The following CCDC192 variants were observed in gnomAD, a reference collection of about 807,000 sequenced individuals.
CCDC192 encodes coiled-coil domain containing 192.
intron 3 of CCDC192, among the ~76,000 whole-genome samples, chr5:127,767,223 T>C (rs1331153007): frequency 6.6e-5 from 10 of 152,058 alleles, no homozygotes; most frequent in African/African-American, 2.2e-4. Context: ...CCCTGTGAAA[T>C]GTCAGCTACC....
intron 2 of CCDC192, among the ~76,000 whole-genome samples, chr5:127,735,246 G>A (rs1339111391): frequency 1.6e-4 from 16 of 97,524 alleles, no homozygotes; most frequent in Middle Eastern, 4.6e-3. Context: ...GTAGATATGC[G>A]GCGTTATTTC....
At chr5:127,719,488 T>TAC (rs1751845435) in intron 2 of CCDC192, among the ~76,000 whole-genome samples, 1 of 136,436 alleles carries the variant, frequency 7.3e-6, no homozygotes, top group South Asian at 2.3e-4. Flanking sequence ...TATATATATA[T>TAC]ATATATACAC....
chr5:127,739,095 C>T (rs1753222893), intron 2 of CCDC192, among the ~76,000 whole-genome samples: 1 of 152,120 alleles, frequency 6.6e-6, no homozygotes, highest in African/African-American at 2.4e-5. Flanking sequence ...TGGTGATGTA[C>T]AGATGGGTTT....
chr5:127,844,896 G>A (rs1047641029), intron 5 of CCDC192, among the ~76,000 whole-genome samples: 1 of 152,168 alleles, frequency 6.6e-6, no homozygotes, highest in African/African-American at 2.4e-5. Context: ...GCCTCACAGG[G>A]CCTTGTGCCA....
intron 5 of CCDC192, among the ~76,000 whole-genome samples, chr5:127,844,003 C>T (rs557093968): frequency 6.6e-6 from 1 of 152,318 alleles, no homozygotes; most frequent in Non-Finnish European, 1.5e-5. Flanking sequence ...TATGGACCAG[C>T]TATTTTTATA....
chr5:127,702,317 T>A (rs1750740589), upstream of CCDC192, among the ~76,000 whole-genome samples: 2 of 150,578 alleles, frequency 1.3e-5, no homozygotes, highest in African/African-American at 5.0e-5. Flanking sequence ...TGATTTCTGA[T>A]CCCCAACAGG....
At chr5:127,885,585 A>C (rs554684351) in intron 6 of CCDC192, among the ~76,000 whole-genome samples, 1 of 152,292 alleles carries the variant, frequency 6.6e-6, no homozygotes, top group Non-Finnish European at 1.5e-5. Flanking sequence ...GTTTCCTTAT[A>C]GGAGGTTAAG....
chr5:127,779,761 G>A (rs1035765575), intron 3 of CCDC192, among the ~76,000 whole-genome samples: 1 of 151,806 alleles, frequency 6.6e-6, no homozygotes. Context: ...AGGTTATTGG[G>A]GGTACAGATG....
chr5:127,774,391 T>C (rs10037046), intron 3 of CCDC192, among the ~76,000 whole-genome samples: 48,667 of 152,046 alleles, frequency 0.32, 8,640 homozygotes, highest in Middle Eastern at 0.41. Flanking sequence ...TGTGCTTACA[T>C]ATTTAGGTCG....
intron 5 of CCDC192, among the ~76,000 whole-genome samples, chr5:127,825,023 A>C (rs921380132): frequency 6.6e-6 from 1 of 152,226 alleles, no homozygotes; most frequent in Non-Finnish European, 1.5e-5. Context: ...GGAATGCCAC[A>C]ATAGCGCTGT....
intron 6 of CCDC192, among the ~76,000 whole-genome samples, chr5:127,894,887 G>A (rs938986356): frequency 3.9e-5 from 6 of 152,174 alleles, no homozygotes; most frequent in Non-Finnish European, 7.3e-5. Flanking sequence ...CTTTGCAATA[G>A]TCTCAACCAT....
intron 5 of CCDC192, among the ~76,000 whole-genome samples, chr5:127,811,635 G>C (rs1360265594): frequency 1.3e-5 from 2 of 152,142 alleles, no homozygotes; most frequent in Non-Finnish European, 2.9e-5. Context: ...GTAAGCATTA[G>C]TTCTTAGCAC....
At chr5:127,859,955 G>A (rs1424172509) in intron 5 of CCDC192, among the ~76,000 whole-genome samples, 2 of 151,988 alleles carry the variant, frequency 1.3e-5, no homozygotes, top group Non-Finnish European at 2.9e-5. Context: ...CCTAGACAAT[G>A]CTATTTATCA....
intron 5 of CCDC192, 141 bp downstream of exon 5, chr5:127,798,303 G>A (rs141746299): frequency 1.1e-4 from 44 of 388,666 alleles, no homozygotes; most frequent in African/African-American, 4.3e-4. Flanking sequence ...TTTTTACTGC[G>A]TCTACACAGT....
chr5:127,807,775 A>T (rs1757875281), intron 5 of CCDC192, among the ~76,000 whole-genome samples: 1 of 152,154 alleles, frequency 6.6e-6, no homozygotes, highest in Non-Finnish European at 1.5e-5. Flanking sequence ...GCTTAGCTTT[A>T]AAAAGCTTAG....
At chr5:127,849,206 T>C (rs912363351) in intron 5 of CCDC192, among the ~76,000 whole-genome samples, 1 of 152,150 alleles carries the variant, frequency 6.6e-6, no homozygotes, top group Non-Finnish European at 1.5e-5. Context: ...CACTCCAGCC[T>C]AGGCGAAAGA....
At chr5:127,886,429 C>T (rs1286367882) in intron 6 of CCDC192, among the ~76,000 whole-genome samples, 1 of 152,096 alleles carries the variant, frequency 6.6e-6, no homozygotes, top group Non-Finnish European at 1.5e-5. Context: ...TGTGCTGGTC[C>T]ACTTATACCC....
Position 127,911,385 on chromosome 5 carries a change from A to G in CCDC192, c.536-29797A>G, listed in dbSNP as rs143278918. ...GCTGGGAGCTAAACCTGCTGTTGGT[A>G]TATAAGTCTCTGTAATCCTCATGGC... On this transcript the variant is annotated intron_variant, in intron 6 of 6. Transcript: ENST00000514853. Among the ~76,000 whole-genome samples, 32 of 152,324 alleles carry G rather than the reference A, an allele frequency of 2.1e-4. No individual in the cohort carries two copies. In the East Asian group the frequency reaches 6.2e-3, roughly 29 times the overall value.
At chr5:127,827,499 A>G (rs1749584803) in intron 5 of CCDC192, among the ~76,000 whole-genome samples, 1 of 152,160 alleles carries the variant, frequency 6.6e-6, no homozygotes, top group Non-Finnish European at 1.5e-5. Context: ...TTAGCCTTGG[A>G]AATGTCTGAT....
Sources: gnomAD v4.1 joint callset for allele counts (sites outside exome capture counted in the v4.1 genomes callset) on GRCh38, gnomAD v4.1.1 for gene constraint, MANE v1.5 for transcripts, NCBI Gene and HGNC (gene_info 2026-07-23, HGNC 2026-07-21) for gene names.